The following MPZL1 variants were observed in gnomAD, a reference collection of about 807,000 sequenced individuals.
MPZL1 encodes myelin protein zero-like protein 1.
MPZL1 carries 16 observed loss-of-function variants against 29.3 expected under a neutral mutation model. The observed-to-expected ratio is 0.55, with a 90% CI of 0.37 to 0.83. MPZL1 has a LOEUF of 0.83. Ranked by LOEUF, MPZL1 falls within the 40% of genes least tolerant of loss-of-function variation. The probability of loss-of-function intolerance (pLI) is 0.00; values close to 1 mark genes in which losing one functional copy is unlikely to be tolerated. For missense variants in MPZL1, 279 were observed against 332.9 expected (o/e 0.84, Z 1.26); for synonymous variants, 143 against 132.0 (o/e 1.08, Z -0.57).
intron 1 of MPZL1, among the ~76,000 whole-genome samples, chr1:167,762,178 A>G (rs75462806): frequency 0.046 from 6,968 of 152,120 alleles, 532 homozygotes; most frequent in African/African-American, 0.16. Context: ...AACTGGAGGC[A>G]GAGGAGATAC....
chr1:167,757,758 A>G (rs1268295590), intron 1 of MPZL1, among the ~76,000 whole-genome samples: 9 of 152,268 alleles, frequency 5.9e-5, no homozygotes, highest in Non-Finnish European at 1.3e-4. Context: ...TCTTTTAAGC[A>G]GGAGTTTATA....
chr1:167,773,135 G>T, intron 3 of MPZL1, 101 bp from the exon 4 acceptor site: 2 of 1,253,244 alleles, frequency 1.6e-6, no homozygotes, highest in South Asian at 2.8e-5. Flanking sequence ...AAGAGGGTAC[G>T]GTAACTGCTA....
At chr1:167,756,088 A>G (rs1461107688) in intron 1 of MPZL1, among the ~76,000 whole-genome samples, 13 of 152,192 alleles carry the variant, frequency 8.5e-5, no homozygotes, top group Non-Finnish European at 5.9e-5. Context: ...CCAGCTGGAC[A>G]TCGATCATGA....
intron 5 of MPZL1, among the ~76,000 whole-genome samples, chr1:167,781,715 G>C (rs1394898077): frequency 1.3e-5 from 2 of 152,156 alleles, no homozygotes; most frequent in African/African-American, 2.4e-5. Context: ...AATTAATAAA[G>C]AGAAGAGCTG....
intron 1 of MPZL1, among the ~76,000 whole-genome samples, chr1:167,761,026 A>G (rs1452479754): frequency 2.0e-5 from 3 of 152,206 alleles, no homozygotes; most frequent in South Asian, 2.1e-4. Flanking sequence ...GGTTTTAGAT[A>G]GGGCAATAAG....
chr1:167,733,930 C>T (rs969949911), intron 1 of MPZL1, among the ~76,000 whole-genome samples: 3 of 151,632 alleles, frequency 2.0e-5, no homozygotes, highest in Non-Finnish European at 4.4e-5. Context: ...GTCCTCTGGA[C>T]ACTCACAGGT....
intron 1 of MPZL1, among the ~76,000 whole-genome samples, chr1:167,756,939 G>A (rs1208684628): frequency 1.3e-5 from 2 of 152,156 alleles, no homozygotes; most frequent in Non-Finnish European, 2.9e-5. Context: ...GTGTGGGGCA[G>A]ACGCTAGGAG....
Position 167,790,058 on chromosome 1 carries a change from T to G in MPZL1, c.*2137T>G, listed in dbSNP as rs1191450688. On this transcript the variant is annotated 3_prime_UTR_variant, in exon 6 of 6. Coordinates refer to ENST00000359523, the MANE Select transcript of MPZL1 (RefSeq NM_003953.6). The stretch of plus-strand genomic sequence containing the variant: ...AGGACACACATTGTAGACAGGCCTG[T>G]GTCATGTTTCCTTACAGTCGTTTTT... 6.6e-6 allele frequency: 1 copy of G among 152,218 alleles called. No individual in the cohort carries two copies. Among genetic ancestry groups the G allele is most frequent in the Non-Finnish European group, 1.5e-5 (1 of 68,044 alleles). 9.4% of individuals were successfully genotyped at this position (152,218 alleles called of 1,614,324 possible). A position where few individuals can be genotyped will look rare whatever the true frequency, so the allele number is the denominator to read the frequency against.
chr1:167,756,567 A>G (rs760720952), intron 1 of MPZL1, among the ~76,000 whole-genome samples: 1 of 152,016 alleles, frequency 6.6e-6, no homozygotes, highest in East Asian at 1.9e-4. Context: ...TCAGCATTCA[A>G]AGTTGATCCT....
intron 2 of MPZL1, among the ~76,000 whole-genome samples, chr1:167,766,535 A>G (rs1196331938): frequency 1.3e-5 from 2 of 152,226 alleles, no homozygotes; most frequent in East Asian, 1.9e-4. Context: ...CTCTCCCAGC[A>G]TGTGGAATGC....
intron 1 of MPZL1, among the ~76,000 whole-genome samples, chr1:167,734,853 G>T (rs549572869): frequency 1.3e-5 from 2 of 152,234 alleles, no homozygotes; most frequent in East Asian, 3.9e-4. Context: ...AGAATTTAGG[G>T]ATTCAATGTT....
intron 4 of MPZL1, 93 bp downstream of exon 4, chr1:167,773,461 A>G: frequency 7.3e-7 from 1 of 1,370,778 alleles, no homozygotes. Flanking sequence ...ATTTTAAAGA[A>G]TTAACTACTA....
chr1:167,733,212 T>A (rs1660305426), intron 1 of MPZL1, among the ~76,000 whole-genome samples: 1 of 152,228 alleles, frequency 6.6e-6, no homozygotes, highest in African/African-American at 2.4e-5. Context: ...GACTTCCAGC[T>A]GTGCCTTGAC....
At chr1:167,787,731 G>A in intron 5 of MPZL1, 89 bp from the exon 6 acceptor site, 1 of 933,096 alleles carries the variant, frequency 1.1e-6, no homozygotes, top group Non-Finnish European at 1.7e-6. Flanking sequence ...GAACCCTGAT[G>A]TGATCACGTT....
intron 4 of MPZL1, chr1:167,774,925 A>G (rs1558124114): frequency 6.6e-6 from 1 of 152,232 alleles, no homozygotes; most frequent in African/African-American, 2.4e-5. Context: ...ATGACTAACC[A>G]GCTAGCTCTG....
intron 2 of MPZL1, among the ~76,000 whole-genome samples, chr1:167,771,469 G>A (rs369605491): frequency 8.6e-5 from 13 of 151,974 alleles, no homozygotes; most frequent in South Asian, 2.1e-4. Context: ...TGACAAAACC[G>A]CCATCGTCAT....
chr1:167,765,711 T>C lies in MPZL1; in HGVS notation c.220T>C (p.Trp74Arg). 1.2e-6 allele frequency: 2 copies of C among 1,612,056 alleles called. No individual in the cohort carries two copies. The highest frequency in any genetic ancestry group is 1.7e-6 in the Non-Finnish European group (2 of 1,179,072). The part of the protein sequence containing the change: ...STTGGLTSVS[W>R]SFQPEGADTT... ...GACTGGCGGGTTGACCTCAGTCTCC[T>C]GGAGCTTCCAGCCAGAGGGGGCCGA... Residue 74 changes from tryptophan (W) to arginine (R), a missense_variant, in exon 2 of 6, where the codon TGG becomes CGG. Transcript: ENST00000359523.
chr1:167,769,367 C>A (rs763434676), intron 2 of MPZL1, among the ~76,000 whole-genome samples: 7 of 152,134 alleles, frequency 4.6e-5, no homozygotes, highest in Admixed American at 3.9e-4. Flanking sequence ...TGTCTCCTTT[C>A]AGGGCTGAAG....
chr1:167,724,750 A>AC lies in MPZL1; in HGVS notation c.91+2508_91+2509insC, dbSNP rs1273893849. On this transcript the variant is annotated intron_variant, in intron 1 of 5. Transcript: ENST00000359523. Reference sequence around the variant, plus strand: ...GGAGATGGGCAGAAAACAATTGGATAGACAGTTCTGGAGGTGAGGAGAAAG... The same window carrying AC: ...GGAGATGGGCAGAAAACAATTGGATACGACAGTTCTGGAGGTGAGGAGAAAG... Among the ~76,000 whole-genome samples the AC allele has an allele frequency of 2.6e-5, 4 of 152,214 alleles. No individual in the cohort carries two copies. In the East Asian group the frequency reaches 7.7e-4, roughly 29 times the overall value.
Sources: allele counts gnomAD v4.1 joint callset (sites outside exome capture counted in the v4.1 genomes callset), GRCh38; gene constraint gnomAD v4.1.1; transcripts MANE v1.5; gene names NCBI Gene and HGNC (gene_info 2026-07-23, HGNC 2026-07-21).